NEDD4: variants seen among roughly 807,000 people sequenced by gnomAD.
NEDD4 encodes NEDD4 E3 ubiquitin protein ligase, also known as E3 ubiquitin-protein ligase NEDD4.
NEDD4 carries 99 observed loss-of-function variants against 144.9 expected under a neutral mutation model. The ratio of observed to expected loss-of-function variants is 0.68; its 90% CI spans 0.58 to 0.81. The LOEUF (loss-of-function observed/expected upper bound fraction) is 0.81. Ranked by LOEUF, NEDD4 falls within the 30% of genes least tolerant of loss-of-function variation. The pLI is 0.00. For synonymous variants in NEDD4, 318 were observed against 350.6 expected, an observed-to-expected ratio of 0.91 and a Z score of 1.04; for missense variants, 985 against 1,065.9, an observed-to-expected ratio of 0.92 and a Z score of 1.06.
Position 55,829,981 on chromosome 15 carries a change from C to A in NEDD4, c.2619G>T (p.Leu873Phe), listed in dbSNP as rs1322420767. 2 of 1,612,520 alleles carry A rather than the reference C, an allele frequency of 1.2e-6. No homozygotes were observed. The change falls in exon 29 of 29, where the codon TTG (leucine) becomes TTT (phenylalanine). Residue 873 changes from leucine (L) to phenylalanine (F), a missense_variant. By Grantham distance (22) the Leu-to-Phe change is conservative. Coordinates refer to ENST00000435532, the MANE Select transcript of NEDD4 (RefSeq NM_006154.4). ...RAHTCFNRLD[L>F]PPYESFEELW... ...ATTCTTCAAATGATTCATAAGGTGG[C>A]AAGTCCAGGCGATTAAAACTGAAAG...
intron 11 of NEDD4, among the ~76,000 whole-genome samples, chr15:55,859,255 A>G (rs2034310649): frequency 1.3e-5 from 2 of 152,216 alleles, no homozygotes; most frequent in African/African-American, 4.8e-5. Context: ...TCGTGGAAGC[A>G]TATGCTGGGA....
chr15:55,969,673 G>A (rs888362569), intron 1 of NEDD4, among the ~76,000 whole-genome samples: 2 of 151,964 alleles, frequency 1.3e-5, no homozygotes, highest in Admixed American at 1.3e-4. Context: ...AGGGGAACCT[G>A]CCACCCTGAA....
chr15:55,828,326 A>G lies in NEDD4; in HGVS notation c.*1571T>C, dbSNP rs964261660. 2 of 152,212 alleles carry G rather than the reference A, an allele frequency of 1.3e-5. No individual in the cohort carries two copies. Among genetic ancestry groups the G allele is most frequent in the Non-Finnish European group, 2.9e-5 (2 of 68,042 alleles). The allele number at this position is 152,212 out of a possible 1,614,324, so 9.4% of individuals were successfully genotyped here. On this transcript the variant is annotated 3_prime_UTR_variant, in exon 29 of 29. Coordinates refer to ENST00000435532, the MANE Select transcript of NEDD4 (RefSeq NM_006154.4). ...ATATTTAAGAAGATTCGTAACATAT[A>G]TTTACAATTATTCCTAAATCACCAA...
intron 18 of NEDD4, among the ~76,000 whole-genome samples, chr15:55,846,119 G>A (rs2033731137): frequency 6.6e-6 from 1 of 151,932 alleles, no homozygotes; most frequent in Non-Finnish European, 1.5e-5. Flanking sequence ...AGTTTAGAAA[G>A]TTTATGATAT....
chr15:55,880,345 G>A (rs931955904), intron 5 of NEDD4, among the ~76,000 whole-genome samples: 5 of 151,920 alleles, frequency 3.3e-5, no homozygotes, highest in African/African-American at 1.2e-4. Context: ...GCATGAAAGG[G>A]GAAAAAGACT....
At chr15:55,988,196 C>A (rs1374710365) in intron 1 of NEDD4, among the ~76,000 whole-genome samples, 1 of 132,712 alleles carries the variant, frequency 7.5e-6, no homozygotes, top group African/African-American at 2.9e-5. Context: ...AAATTGGAAA[C>A]CATCATTCTC....
At chr15:55,852,708 T>G (rs1316834563) in intron 12 of NEDD4, among the ~76,000 whole-genome samples, 165 bp from the exon 13 acceptor site, 3 of 146,170 alleles carry the variant, frequency 2.1e-5, no homozygotes, top group Admixed American at 6.8e-5. Flanking sequence ...TATATATATA[T>G]ATATATATAT....
At chr15:55,940,209 C>A (rs1356375981) in intron 4 of NEDD4, among the ~76,000 whole-genome samples, 1 of 151,950 alleles carries the variant, frequency 6.6e-6, no homozygotes, top group African/African-American at 2.4e-5. Context: ...ATATTATACA[C>A]CAAAACCTTT....
At chr15:55,898,030 A>G (rs2035793310) in intron 5 of NEDD4, among the ~76,000 whole-genome samples, 1 of 152,218 alleles carries the variant, frequency 6.6e-6, no homozygotes, top group African/African-American at 2.4e-5. Context: ...TTCCATTGAC[A>G]TTACCCCACA....
intron 5 of NEDD4, among the ~76,000 whole-genome samples, chr15:55,911,107 G>A (rs551973832): frequency 6.6e-6 from 1 of 152,100 alleles, no homozygotes; most frequent in Non-Finnish European, 1.5e-5. Context: ...TTCTAGCCTT[G>A]CATATGCTGC....
intron 2 of NEDD4, among the ~76,000 whole-genome samples, chr15:55,959,003 C>T (rs546905644): frequency 1.3e-5 from 2 of 150,204 alleles, no homozygotes; most frequent in Non-Finnish European, 3.0e-5. Flanking sequence ...TACCATTGTC[C>T]ACTTTCTCTT....
chr15:55,954,829 T>G (rs1461935154), intron 2 of NEDD4, among the ~76,000 whole-genome samples: 1 of 152,076 alleles, frequency 6.6e-6, no homozygotes, highest in Non-Finnish European at 1.5e-5. Context: ...TAGCCGAGTT[T>G]TGCCATTTTT....
chr15:55,833,922 T>C (rs2033074823), intron 26 of NEDD4, 116 bp downstream of exon 26: 4 of 742,756 alleles, frequency 5.4e-6, no homozygotes, highest in South Asian at 1.8e-5. Flanking sequence ...TTTTCTGGTC[T>C]GTATATTTTT....
At chr15:55,946,518 A>T (rs1221764346) in intron 4 of NEDD4, among the ~76,000 whole-genome samples, 6 of 152,214 alleles carry the variant, frequency 3.9e-5, no homozygotes, top group Non-Finnish European at 5.9e-5. Context: ...AAGTCCTTAG[A>T]GACCTACAAA....
At chr15:55,872,349 G>A (rs2142065358) in intron 7 of NEDD4, 66 bp downstream of exon 7, 2 of 565,780 alleles carry the variant, frequency 3.5e-6, no homozygotes, top group East Asian at 3.7e-5. Context: ...TTCTAATAAG[G>A]CTACTGTAAG....
Position 55,869,618 on chromosome 15 carries a change from G to A in NEDD4, c.468C>T (p.Gly156=). The change falls in exon 8 of 29, where the codon GGC becomes GGT. Residue 156 remains glycine (G), a synonymous_variant. Coordinates refer to ENST00000435532, the MANE Select transcript of NEDD4 (RefSeq NM_006154.4). The stretch of plus-strand genomic sequence containing the variant: ...CCTGTTCTGCATTATCATCTTCTGA[G>A]CCACTGGTTTTAGGTAAATAAGTCA... The part of the protein sequence containing the change: ...LKMTYLPKTS[G]SEDDNAEQAE... The A allele has an allele frequency of 6.3e-7, 1 of 1,586,666 alleles. No homozygotes were observed. Among genetic ancestry groups the A allele is most frequent in the East Asian group, 2.3e-5 (1 of 44,010 alleles).
At chr15:55,962,860 C>T (rs1365421286) in intron 2 of NEDD4, among the ~76,000 whole-genome samples, 1 of 151,810 alleles carries the variant, frequency 6.6e-6, no homozygotes, top group Non-Finnish European at 1.5e-5. Context: ...GATCTCAGCT[C>T]ACTGCAACCT....
chr15:55,914,803 T>A (rs2036382979), intron 5 of NEDD4, among the ~76,000 whole-genome samples: 1 of 151,990 alleles, frequency 6.6e-6, no homozygotes. Context: ...CACTTTGATA[T>A]GGGTTTTTGT....
intron 13 of NEDD4, 44 bp downstream of exon 13, chr15:55,852,380 A>G (rs893961272): frequency 3.5e-5 from 56 of 1,586,328 alleles, no homozygotes; most frequent in Non-Finnish European, 4.7e-5. Flanking sequence ...GGGATGTGAC[A>G]GTTTAAATCC....
Sources: gnomAD v4.1 joint callset for allele counts (sites outside exome capture counted in the v4.1 genomes callset) on GRCh38, gnomAD v4.1.1 for gene constraint, MANE v1.5 for transcripts, NCBI Gene and HGNC (gene_info 2026-07-23, HGNC 2026-07-21) for gene names.